Variants in FBXO27 observed in about 807,000 individuals in gnomAD.
The protein encoded by FBXO27 is F-box protein 27.
In FBXO27, 28 loss-of-function variants were observed where a neutral mutation model predicts 28.3. That is an observed-to-expected ratio of 0.99 (90% CI 0.73 to 1.36). FBXO27 has a LOEUF of 1.36. FBXO27 is among the 40% of genes most tolerant of loss of function. FBXO27 has a pLI of 0.00. For synonymous variants in FBXO27, 175 were observed against 167.3 expected (o/e 1.05, Z -0.36); for missense variants, 388 against 394.1 (o/e 0.98, Z 0.13).
intron 2 of FBXO27, among the ~76,000 whole-genome samples, chr19:39,011,705 G>T (rs1031439858): frequency 1.2e-4 from 18 of 145,912 alleles, no homozygotes; most frequent in South Asian, 2.2e-4. Flanking sequence ...GGGGAGGGGG[G>T]GTCTCCCTTT....
At chr19:39,011,690 CG>C (rs1441085980) in intron 2 of FBXO27, among the ~76,000 whole-genome samples, 3 of 10,598 alleles carry the variant, frequency 2.8e-4, no homozygotes, top group East Asian at 5.2e-3. Flanking sequence ...GCAGAGATGG[CG>C]GCGGGGGAGG....
At chr19:39,031,724 C>A in intron 2 of FBXO27, 140 bp downstream of exon 2, 1 of 1,336,192 alleles carries the variant, frequency 7.5e-7, no homozygotes, top group Non-Finnish European at 9.7e-7. Flanking sequence ...TGCCCCGCCT[C>A]TCCGACTCCT....
At chr19:39,008,834 G>C (rs899436987) in intron 2 of FBXO27, among the ~76,000 whole-genome samples, 10 of 152,086 alleles carry the variant, frequency 6.6e-5, no homozygotes, top group African/African-American at 2.4e-4. Flanking sequence ...TTGTACGTTT[G>C]TTTTGAGACA....
intron 1 of FBXO27, among the ~76,000 whole-genome samples, chr19:39,017,652 G>A (rs1303244588): frequency 3.5e-5 from 4 of 114,400 alleles, no homozygotes; most frequent in South Asian, 2.7e-4. Context: ...GGGCAACAGC[G>A]AGACTGTCTC....
At chr19:39,025,883 T>C (rs1389892906) in intron 5 of FBXO27, among the ~76,000 whole-genome samples, 1 of 152,036 alleles carries the variant, frequency 6.6e-6, no homozygotes, top group African/African-American at 2.4e-5. Flanking sequence ...CTGGGCTTGG[T>C]GGCACGTGCC....
downstream of FBXO27, among the ~76,000 whole-genome samples, chr19:39,020,929 A>G (rs2072842548): frequency 1.3e-5 from 2 of 151,626 alleles, no homozygotes; most frequent in Admixed American, 1.3e-4. Context: ...ATCTCAGCTC[A>G]CTGCAACCTC....
intron 2 of FBXO27, among the ~76,000 whole-genome samples, chr19:39,009,234 A>G (rs1368202442): frequency 6.6e-6 from 1 of 152,224 alleles, no homozygotes; most frequent in Non-Finnish European, 1.5e-5. Flanking sequence ...TCTTATGAAT[A>G]ATGTAGTTAT....
chr19:39,031,963 A>G lies in FBXO27; in HGVS notation c.265T>C (p.Cys89Arg). The change falls in exon 2 of 6, where the codon TGC becomes CGC. Residue 89 changes from cysteine (C) to arginine (R), a missense_variant. Coordinates refer to ENST00000292853, the MANE Select transcript of FBXO27 (RefSeq NM_178820.5). ...CTGGCGTTACGGGCGGGAGACTGGC[A>G]GCTGCGGGCGAGGTGCAGCAGCGCG... is the stretch of plus-strand genomic sequence containing the variant. ...GRALLHLARSCQSPARNARPC... is the reference protein window; with the variant it reads ...GRALLHLARSRQSPARNARPC... 6.6e-7 allele frequency: 1 copy of G among 1,519,868 alleles called. No individual in the cohort carries two copies. The highest frequency in any genetic ancestry group is 1.3e-5 in the South Asian group (1 of 78,842). 94.1% of individuals were successfully genotyped at this position (1,519,868 alleles called of 1,614,324 possible).
At chr19:39,020,792 C>A (rs2072841801), downstream of FBXO27, among the ~76,000 whole-genome samples, 2 of 134,196 alleles carry the variant, frequency 1.5e-5, no homozygotes. Flanking sequence ...TGAAGGGTTT[C>A]AAGCCATGGA....
chr19:39,020,346 T>C (rs2072839386), downstream of FBXO27, among the ~76,000 whole-genome samples: 1 of 152,048 alleles, frequency 6.6e-6, no homozygotes, highest in African/African-American at 2.4e-5. Context: ...TCCTTGAAGT[T>C]AGGAAGTACC....
intron 2 of FBXO27, among the ~76,000 whole-genome samples, chr19:39,013,070 A>G (rs929334076): frequency 6.6e-6 from 1 of 152,232 alleles, no homozygotes; most frequent in Non-Finnish European, 1.5e-5. Context: ...ACTTCCTGCA[A>G]AAGCTCAATC....
intron 2 of FBXO27, among the ~76,000 whole-genome samples, chr19:39,011,152 C>T (rs1025155416): frequency 5.9e-5 from 9 of 152,146 alleles, no homozygotes; most frequent in Non-Finnish European, 7.3e-5. Context: ...GACAAGTGGC[C>T]GGGTGCAGTG....
intron 1 of FBXO27, among the ~76,000 whole-genome samples, chr19:39,018,197 TACAC>T (rs2072828668): frequency 6.6e-6 from 1 of 152,070 alleles, no homozygotes; most frequent in African/African-American, 2.4e-5. Context: ...GGCCAAAACT[TACAC>T]ACATAAACAC....
intron 4 of FBXO27, among the ~76,000 whole-genome samples, chr19:39,027,895 G>C (rs1326247574): frequency 2.0e-5 from 3 of 152,092 alleles, no homozygotes; most frequent in African/African-American, 7.2e-5. Flanking sequence ...AGCGAGGATG[G>C]TCTTAGGGAT....
intron 2 of FBXO27, 98 bp downstream of exon 2, chr19:39,031,766 G>C: frequency 8.7e-7 from 1 of 1,148,784 alleles, no homozygotes; most frequent in Non-Finnish European, 1.1e-6. Flanking sequence ...CTGCCCCTGC[G>C]GCCCCTAGTA....
chr19:39,015,608 G>A lies in FBXO27; in HGVS notation c.92-1061C>T, dbSNP rs577833512. Reference sequence around the variant, plus strand: ...GATCATGCTACTGCACTTCAGCCTCGGCAACAGAGTGAGACCCTGTCTCTA... The same window carrying A: ...GATCATGCTACTGCACTTCAGCCTCAGCAACAGAGTGAGACCCTGTCTCTA... On this transcript the variant is annotated intron_variant, in intron 1 of 2. Coordinates refer to the FBXO27 transcript ENST00000598394. Among the ~76,000 whole-genome samples the A allele has an allele frequency of 1.3e-3, 203 of 152,178 alleles. 1 individual carries two copies. The highest frequency in any genetic ancestry group is 4.5e-3 in the African/African-American group (186 of 41,526).
Position 39,013,829 on chromosome 19 carries a change from C to T in FBXO27, c.252+558G>A, listed in dbSNP as rs368515152. On this transcript the variant is annotated intron_variant, in intron 2 of 2. Coordinates refer to the FBXO27 transcript ENST00000598394. ...GAGATCGAGACCATCCTGGCTAATA[C>T]GGTGAAACCCCGTCTCTACTAAAAA... 1.2e-3 allele frequency among the ~76,000 whole-genome samples: 176 copies of T among 151,414 alleles called. No individual in the cohort carries two copies. In the Middle Eastern group the frequency reaches 0.017, roughly 15 times the overall value.
chr19:39,015,318 C>CAAAAAAAA (rs59646562), intron 1 of FBXO27, among the ~76,000 whole-genome samples: 1 of 36,446 alleles, frequency 2.7e-5, no homozygotes. Flanking sequence ...GACTCTGTCT[C>CAAAAAAAA]AAAAAAAAAA....
rs745537525 is a variant in FBXO27 at position 39,032,066 on chromosome 19, G to A, written c.162C>T (p.Cys54=). The change falls in exon 2 of 6, where the codon TGC becomes TGT. Residue 54 remains cysteine (C), a synonymous_variant. Coordinates refer to ENST00000292853, the MANE Select transcript of FBXO27 (RefSeq NM_178820.5). The surrounding 1 kb of genome is among the most constrained non-coding windows in gnomAD (Gnocchi z 4.7). ...CGTCCACCAGGGCTCGCCAGCCCCG[G>A]CACACTTGGCGGCAGCGCCCGAGCA... The part of the protein sequence containing the change: ...RTLLGRCRQV[C]RGWRALVDGQ... 2.0e-6 allele frequency: 3 copies of A among 1,530,740 alleles called. No individual in the cohort carries two copies. The highest frequency in any genetic ancestry group is 1.2e-5 in the South Asian group (1 of 81,452). 94.8% of individuals were successfully genotyped at this position (1,530,740 alleles called of 1,614,324 possible).
Sources: gnomAD v4.1 joint callset for allele counts (sites outside exome capture counted in the v4.1 genomes callset) on GRCh38, gnomAD v4.1.1 for gene constraint, Gnocchi (gnomAD v3.1) non-coding constraint, MANE v1.5 for transcripts, NCBI Gene and HGNC (gene_info 2026-07-23, HGNC 2026-07-21) for gene names.